Variants in LARGE1 observed in about 807,000 individuals in gnomAD.
The protein encoded by LARGE1 is xylosyl- and glucuronyltransferase LARGE1.
In LARGE1, 43 loss-of-function variants were observed where a neutral mutation model predicts 87.6. That is an observed-to-expected ratio of 0.49 (90% CI 0.38 to 0.63). The LOEUF (loss-of-function observed/expected upper bound fraction) is 0.63. LARGE1 is among the 30% of genes least tolerant of loss of function. LARGE1 has a pLI of 0.00. For synonymous variants in LARGE1, 434 were observed against 394.6 expected, an observed-to-expected ratio of 1.10 and a Z score of -1.18; for missense variants, 802 against 1,000.2, an observed-to-expected ratio of 0.80 and a Z score of 2.67.
intron 1 of LARGE1, among the ~76,000 whole-genome samples, chr22:33,871,651 T>C (rs2064285716): frequency 6.6e-6 from 1 of 152,010 alleles, no homozygotes; most frequent in Non-Finnish European, 1.5e-5. Context: ...CCAACCTCCT[T>C]CCCCTGCACA....
At chr22:33,882,433 T>A (rs1313332167) in intron 1 of LARGE1, among the ~76,000 whole-genome samples, 2 of 152,050 alleles carry the variant, frequency 1.3e-5, no homozygotes, top group Non-Finnish European at 2.9e-5. Context: ...CATACCAAGA[T>A]GCCCCCCCAC....
chr22:33,089,905 T>A, the LARGE1 span, among the ~76,000 whole-genome samples: 1 of 152,138 alleles, frequency 6.6e-6, no homozygotes, highest in Non-Finnish European at 1.5e-5. Context: ...CACAAATACT[T>A]ACTGAGCACT....
Position 33,650,524 on chromosome 22 carries a change from C to A in LARGE1, c.251G>T (p.Ser84Ile), listed in dbSNP as rs398124184. ...GGATGGGGCTCGGCCCTGGGCCAGGCTGAGCTGCCTGCGGAGGGCGCGGTT... is the reference window on the plus strand; with the variant it reads ...GGATGGGGCTCGGCCCTGGGCCAGGATGAGCTGCCTGCGGAGGGCGCGGTT... Reference protein sequence around the residue: ...EENRALRRQLSLAQGRAPSHR... With the variant: ...EENRALRRQLILAQGRAPSHR... The change falls in exon 3 of 15, where the codon AGC becomes ATC. Residue 84 changes from serine to isoleucine, a missense_variant. This residue lies in a region of LARGE1 where 177 missense variants were observed against 158.3 expected (regional missense o/e 1.12). Coordinates refer to ENST00000397394, the MANE Select transcript of LARGE1 (RefSeq NM_133642.5). 30 of 1,612,158 alleles carry A rather than the reference C, an allele frequency of 1.9e-5. No individual in the cohort carries two copies. The Admixed American group carries it at 4.5e-4, about 24-fold the overall frequency.
At chr22:33,531,480 A>T (rs2072199996) in intron 6 of LARGE1, among the ~76,000 whole-genome samples, 2 of 152,108 alleles carry the variant, frequency 1.3e-5, no homozygotes, top group South Asian at 2.1e-4. Flanking sequence ...AATTATATCA[A>T]TTATCTCTCC....
At chr22:33,294,455 AG>A (rs1932965374) in intron 12 of LARGE1, among the ~76,000 whole-genome samples, 1 of 152,240 alleles carries the variant, frequency 6.6e-6, no homozygotes, top group Non-Finnish European at 1.5e-5. Flanking sequence ...TTATATTAAA[AG>A]GGGACAGGAG....
At chr22:33,719,183 G>A (rs1288173842) in intron 2 of LARGE1, among the ~76,000 whole-genome samples, 1 of 152,192 alleles carries the variant, frequency 6.6e-6, no homozygotes, top group Non-Finnish European at 1.5e-5. Context: ...AAACATTTTT[G>A]TACAGCTATA....
intron 6 of LARGE1, among the ~76,000 whole-genome samples, chr22:33,477,609 C>T (rs755817439): frequency 1.3e-5 from 2 of 152,168 alleles, no homozygotes; most frequent in Non-Finnish European, 1.5e-5. Context: ...GCCATGCACA[C>T]ACGCACCCCC....
chr22:33,755,486 A>T (rs1477724721), intron 2 of LARGE1, among the ~76,000 whole-genome samples: 1 of 152,188 alleles, frequency 6.6e-6, no homozygotes, highest in African/African-American at 2.4e-5. Flanking sequence ...TAAGTCTCTA[A>T]TAGCCGAACA....
At chr22:33,202,403 T>G (rs73882002) in intron 11 of LARGE1, among the ~76,000 whole-genome samples, 4,595 of 152,276 alleles carry the variant, frequency 0.03, 95 homozygotes, top group Admixed American at 0.057. Flanking sequence ...GAACTGTCCT[T>G]CCTCTCTCAG....
At chr22:33,085,919 T>A in the LARGE1 span, among the ~76,000 whole-genome samples, 1 of 152,192 alleles carries the variant, frequency 6.6e-6, no homozygotes, top group East Asian at 1.9e-4. Context: ...AATTTTTGTA[T>A]AACTGTTCCA....
intron 6 of LARGE1, among the ~76,000 whole-genome samples, chr22:33,544,312 T>G (rs2077293034): frequency 6.6e-6 from 1 of 152,174 alleles, no homozygotes; most frequent in South Asian, 2.1e-4. Flanking sequence ...TTAGGGGTGG[T>G]CTTGGAAACT....
At position 33,304,410 on chromosome 22, in the gene LARGE1, C is replaced by CGTA; in HGVS notation, c.1546_1548dup (p.Tyr516dup). The CGTA allele has an allele frequency of 6.2e-7, 1 of 1,614,226 alleles. No individual in the cohort carries two copies. Among genetic ancestry groups the CGTA allele is most frequent in the Non-Finnish European group, 8.5e-7 (1 of 1,180,036 alleles). ...CTCATAAGCACCTCAGAGCCCTGTG[C>CGTA]GTAGCGGAGGAACTGCTGGGCCTCG... On this transcript the variant is annotated inframe_insertion, in exon 12 of 15. Coordinates refer to ENST00000397394, the MANE Select transcript of LARGE1 (RefSeq NM_133642.5).
the LARGE1 span, among the ~76,000 whole-genome samples, chr22:33,102,049 T>G: frequency 6.6e-6 from 1 of 152,160 alleles, no homozygotes; most frequent in Non-Finnish European, 1.5e-5. Flanking sequence ...CATTTCCCAT[T>G]CATACGGTAG....
chr22:33,392,316 A>T (rs2065559804), intron 7 of LARGE1, among the ~76,000 whole-genome samples: 1 of 152,098 alleles, frequency 6.6e-6, no homozygotes. Flanking sequence ...CCTTATTTGT[A>T]ATATAGTGAC....
intron 1 of LARGE1, among the ~76,000 whole-genome samples, chr22:33,831,403 A>G (rs552305149): frequency 6.6e-6 from 1 of 152,300 alleles, no homozygotes; most frequent in South Asian, 2.1e-4. Flanking sequence ...AACACTCTGA[A>G]GACAGGAAGC....
the LARGE1 span, among the ~76,000 whole-genome samples, chr22:33,117,156 C>A: frequency 1.3e-4 from 20 of 152,316 alleles, no homozygotes; most frequent in African/African-American, 4.3e-4. Context: ...AATCATCTAC[C>A]TTCCTAGTTA....
intron 1 of LARGE1, among the ~76,000 whole-genome samples, chr22:33,888,022 C>T (rs185402092): frequency 6.6e-6 from 1 of 152,318 alleles, no homozygotes; most frequent in East Asian, 1.9e-4. Flanking sequence ...CCACCCTGTG[C>T]ATGGAGCTCA....
chr22:33,305,979 C>G (rs1052230942), intron 11 of LARGE1, among the ~76,000 whole-genome samples: 6 of 151,874 alleles, frequency 4.0e-5, no homozygotes, highest in Non-Finnish European at 7.4e-5. Context: ...GCTGGGATTA[C>G]AGCCGCCCGC....
chr22:33,531,954 T>C (rs950155091), intron 6 of LARGE1, among the ~76,000 whole-genome samples: 4 of 152,220 alleles, frequency 2.6e-5, no homozygotes, highest in African/African-American at 9.6e-5. Context: ...AAGGTGGGGA[T>C]TGCAAGGAGG....
Sources: gnomAD v4.1 joint callset for allele counts (sites outside exome capture counted in the v4.1 genomes callset) on GRCh38, gnomAD v4.1.1 for gene constraint, gnomAD v4.1.1 regional missense constraint, MANE v1.5 for transcripts, NCBI Gene and HGNC (gene_info 2026-07-23, HGNC 2026-07-21) for gene names.